DLG2: variants seen among roughly 807,000 people sequenced by gnomAD.
DLG2 encodes the protein disks large homolog 2.
In DLG2, 45 loss-of-function variants were observed where a neutral mutation model predicts 132.5. That is an observed-to-expected ratio of 0.34 (90% CI 0.27 to 0.44). The LOEUF (loss-of-function observed/expected upper bound fraction) is 0.44. Ranked by LOEUF, DLG2 falls within the 20% of genes least tolerant of loss-of-function variation. The probability of loss-of-function intolerance (pLI) is 1.00; values close to 1 mark genes in which losing one functional copy is unlikely to be tolerated. For missense variants in DLG2, 1,045 were observed against 1,196.9 expected (o/e 0.87, Z 1.87); for synonymous variants, 424 against 419.6 (o/e 1.01, Z -0.13).
chr11:83,752,272 G>T (rs891458654), intron 18 of DLG2, among the ~76,000 whole-genome samples: 1 of 104,670 alleles, frequency 9.6e-6, no homozygotes, highest in Non-Finnish European at 2.1e-5. Context: ...TGTCTCAAAA[G>T]AAAAAAAAAA....
intron 7 of DLG2, among the ~76,000 whole-genome samples, chr11:84,335,997 T>C (rs1346328773): frequency 6.6e-6 from 1 of 152,236 alleles, no homozygotes; most frequent in East Asian, 1.9e-4. Context: ...CATAAATTTT[T>C]ATTATTTTAA....
intron 3 of DLG2, among the ~76,000 whole-genome samples, chr11:85,492,234 G>C (rs553764709): frequency 7.2e-5 from 11 of 152,070 alleles, no homozygotes; most frequent in Non-Finnish European, 1.6e-4. Context: ...GTATTCGGTT[G>C]GTGCAAAAGT....
At chr11:84,496,315 T>A (rs951381897) in intron 7 of DLG2, among the ~76,000 whole-genome samples, 10 of 152,196 alleles carry the variant, frequency 6.6e-5, no homozygotes, top group African/African-American at 2.4e-4. Flanking sequence ...AAATGTGTTA[T>A]CATATAGCTT....
At chr11:84,714,551 CTCTCTCTT>C (rs1201410975) in intron 6 of DLG2, among the ~76,000 whole-genome samples, 1 of 109,866 alleles carries the variant, frequency 9.1e-6, no homozygotes, top group Non-Finnish European at 1.6e-5. Context: ...CTTTCTCTTT[CTCTCTCTT>C]TCTCTTTCTC....
At chr11:83,662,772 CA>C (rs1362405969) in intron 18 of DLG2, among the ~76,000 whole-genome samples, 1 of 152,156 alleles carries the variant, frequency 6.6e-6, no homozygotes, top group African/African-American at 2.4e-5. Flanking sequence ...AACCTTTTGT[CA>C]GTAGAATTGC....
intron 15 of DLG2, among the ~76,000 whole-genome samples, chr11:83,906,294 CA>C (rs2074925420): frequency 1.4e-5 from 2 of 146,390 alleles, no homozygotes; most frequent in Non-Finnish European, 3.0e-5. Flanking sequence ...CACACACACA[CA>C]CACACACACA....
At chr11:84,043,273 A>G (rs1344179778) in intron 11 of DLG2, among the ~76,000 whole-genome samples, 4 of 151,440 alleles carry the variant, frequency 2.6e-5, no homozygotes, top group African/African-American at 9.7e-5. Context: ...TCATAAATAT[A>G]TTTTTTCTTC....
intron 3 of DLG2, among the ~76,000 whole-genome samples, chr11:85,525,468 G>C (rs2153185065): frequency 6.6e-6 from 1 of 152,236 alleles, no homozygotes; most frequent in Admixed American, 6.5e-5. Context: ...AGAATGTAAA[G>C]ATTTTTAAAG....
chr11:83,892,211 G>T (rs1565526110), intron 15 of DLG2, among the ~76,000 whole-genome samples: 1 of 152,106 alleles, frequency 6.6e-6, no homozygotes, highest in African/African-American at 2.4e-5. Flanking sequence ...AAGTAAGTTG[G>T]AAATTAAGAG....
chr11:83,983,162 G>A (rs752254947), intron 11 of DLG2, among the ~76,000 whole-genome samples: 5 of 152,010 alleles, frequency 3.3e-5, no homozygotes, highest in Non-Finnish European at 5.9e-5. Context: ...CTCTTTAAAC[G>A]TATAAGAATT....
intron 15 of DLG2, among the ~76,000 whole-genome samples, chr11:83,887,368 C>T (rs1472378375): frequency 6.6e-6 from 1 of 151,562 alleles, no homozygotes; most frequent in African/African-American, 2.4e-5. Flanking sequence ...ATAAATTCCT[C>T]GACACATACA....
intron 18 of DLG2, among the ~76,000 whole-genome samples, chr11:83,770,214 T>C (rs2094329076): frequency 6.6e-6 from 1 of 151,190 alleles, no homozygotes; most frequent in Non-Finnish European, 1.5e-5. Flanking sequence ...GTACCTTCCT[T>C]TCTTGTCTTT....
At chr11:85,498,765 G>A (rs539824923) in intron 3 of DLG2, among the ~76,000 whole-genome samples, 1 of 152,252 alleles carries the variant, frequency 6.6e-6, no homozygotes, top group South Asian at 2.1e-4. Context: ...TAGAACTCAG[G>A]ATTAAGTTCT....
intron 6 of DLG2, among the ~76,000 whole-genome samples, chr11:84,825,745 A>G (rs2078252690): frequency 1.3e-5 from 2 of 151,914 alleles, no homozygotes; most frequent in Admixed American, 1.3e-4. Context: ...CAAAAATTAT[A>G]TTGGTTCATA....
intron 6 of DLG2, among the ~76,000 whole-genome samples, chr11:84,953,229 T>C (rs2051192385): frequency 6.6e-6 from 1 of 152,238 alleles, no homozygotes; most frequent in Non-Finnish European, 1.5e-5. Context: ...ATCTGTTGGA[T>C]AATATCCAAA....
intron 6 of DLG2, among the ~76,000 whole-genome samples, chr11:85,041,603 A>G (rs984738564): frequency 6.6e-6 from 1 of 151,926 alleles, no homozygotes; most frequent in South Asian, 2.1e-4. Flanking sequence ...GGGATAATAC[A>G]GGAAATGAAG....
chr11:84,482,644 G>A (rs1175967280), intron 7 of DLG2, among the ~76,000 whole-genome samples: 1 of 152,186 alleles, frequency 6.6e-6, no homozygotes. Context: ...CCTAAGCATG[G>A]TAAAACCCTG....
At chr11:84,344,618 CTCT>C (rs761188406) in intron 7 of DLG2, among the ~76,000 whole-genome samples, 48 of 152,314 alleles carry the variant, frequency 3.2e-4, no homozygotes, top group Non-Finnish European at 6.2e-4. Context: ...ATTTCAAACT[CTCT>C]TCTATCTGAA....
At chr11:84,520,129 C>G (rs953549297) in intron 7 of DLG2, among the ~76,000 whole-genome samples, 1 of 152,192 alleles carries the variant, frequency 6.6e-6, no homozygotes, top group Non-Finnish European at 1.5e-5. Flanking sequence ...AGGTCATTCT[C>G]TCTTTGGACC....
Sources: allele counts gnomAD v4.1 joint callset (sites outside exome capture counted in the v4.1 genomes callset), GRCh38; gene constraint gnomAD v4.1.1; transcripts MANE v1.5; gene names NCBI Gene and HGNC (gene_info 2026-07-23, HGNC 2026-07-21).